YTHDF2: variants seen among roughly 807,000 people sequenced by gnomAD.
YTHDF2 encodes the protein YTH domain-containing family protein 2.
In YTHDF2, 2 loss-of-function variants were observed where a neutral mutation model predicts 50.4. That is an observed-to-expected ratio of 0.04 (90% CI 0.02 to 0.12). The LOEUF is 0.12. Among genes scored for constraint, YTHDF2 ranks in the 10% least tolerant of loss-of-function variants. YTHDF2 has a pLI of 1.00. For synonymous variants in YTHDF2, 217 were observed against 255.6 expected, an observed-to-expected ratio of 0.85 and a Z score of 1.44; for missense variants, 483 against 722.6, an observed-to-expected ratio of 0.67 and a Z score of 3.80.
intron 4 of YTHDF2, among the ~76,000 whole-genome samples, chr1:28,763,380 TCTC>T (rs1398229879): frequency 3.3e-5 from 5 of 152,124 alleles, no homozygotes; most frequent in African/African-American, 9.7e-5. Context: ...TTCAAACAAT[TCTC>T]CTGCCTCAGC....
intron 4 of YTHDF2, among the ~76,000 whole-genome samples, chr1:28,749,318 C>G (rs560784818): frequency 6.6e-6 from 1 of 151,532 alleles, no homozygotes. Flanking sequence ...CAGCCTCTCG[C>G]GTAGCTGGGA....
At chr1:28,738,220 A>G in intron 2 of YTHDF2, 39 bp from the exon 3 acceptor site, 1 of 1,503,244 alleles carries the variant, frequency 6.7e-7, no homozygotes, top group Non-Finnish European at 9.3e-7. Context: ...GGAAGATTGT[A>G]GGATTGGGAC....
intron 4 of YTHDF2, among the ~76,000 whole-genome samples, chr1:28,746,227 C>A (rs2087858319): frequency 6.6e-6 from 1 of 151,986 alleles, no homozygotes; most frequent in Admixed American, 6.6e-5. Context: ...CATCTAGGTG[C>A]TTGGTTTGTC....
chr1:28,764,256 TTTTATTTTTA>T (rs977787191), intron 4 of YTHDF2, among the ~76,000 whole-genome samples: 1 of 150,128 alleles, frequency 6.7e-6, no homozygotes, highest in African/African-American at 2.5e-5. Flanking sequence ...CGGCCCAATT[TTTTATTTTTA>T]TTTATTTTTA....
chr1:28,766,129 G>C (rs1279326371), intron 4 of YTHDF2, among the ~76,000 whole-genome samples: 3 of 152,148 alleles, frequency 2.0e-5, no homozygotes, highest in Non-Finnish European at 4.4e-5. Context: ...TTTTGAGATA[G>C]GGTCTCATTC....
At chr1:28,755,246 G>A (rs974863618) in intron 4 of YTHDF2, among the ~76,000 whole-genome samples, 3 of 152,186 alleles carry the variant, frequency 2.0e-5, no homozygotes, top group Admixed American at 6.5e-5. Context: ...ATAGTAGGCA[G>A]CTGGGAATCT....
At chr1:28,737,833 T>C in intron 2 of YTHDF2, 151 bp downstream of exon 2, 1 of 879,442 alleles carries the variant, frequency 1.1e-6, no homozygotes, top group East Asian at 2.7e-5. Context: ...CCTTTCGGTG[T>C]GTTCTTGCAG....
intron 4 of YTHDF2, among the ~76,000 whole-genome samples, chr1:28,749,384 GTT>G (rs1347400129): frequency 1.4e-4 from 22 of 151,886 alleles, no homozygotes; most frequent in Admixed American, 4.6e-4. Context: ...TTTTCACCGT[GTT>G]AGCCAGGATG....
intron 4 of YTHDF2, among the ~76,000 whole-genome samples, chr1:28,760,130 A>G (rs1364058079): frequency 6.6e-6 from 1 of 152,196 alleles, no homozygotes; most frequent in African/African-American, 2.4e-5. Flanking sequence ...ATCTCCTAAA[A>G]TAGTACCTTC....
At chr1:28,767,833 G>GGT (rs1258030684) in intron 4 of YTHDF2, among the ~76,000 whole-genome samples, 1 of 26,082 alleles carries the variant, frequency 3.8e-5, no homozygotes, top group Non-Finnish European at 6.4e-5. Flanking sequence ...GTAGAGACGG[G>GGT]GTTTCACCAT....
intron 4 of YTHDF2, 72 bp downstream of exon 4, chr1:28,744,058 T>C (rs1254912430): frequency 7.0e-7 from 1 of 1,421,176 alleles, no homozygotes; most frequent in African/African-American, 1.4e-5. Flanking sequence ...TATTATATAG[T>C]GAACCGTTAA....
Position 28,769,080 on chromosome 1 carries a change from T to G in YTHDF2, c.*128T>G. The G allele has an allele frequency of 1.5e-6, 1 of 661,504 alleles. No homozygotes were observed. The highest frequency in any genetic ancestry group is 2.3e-6 in the Non-Finnish European group (1 of 430,898). 41.0% of individuals were successfully genotyped at this position (661,504 alleles called of 1,614,324 possible). On this transcript the variant is annotated 3_prime_UTR_variant, in exon 5 of 5. Coordinates refer to ENST00000373812, the MANE Select transcript of YTHDF2 (RefSeq NM_016258.3). ...TTCAGAGACGATTGCAGACTTGCAG[T>G]TTAAGTATTGGAATTTCACAAAAGA...
intron 4 of YTHDF2, among the ~76,000 whole-genome samples, chr1:28,767,926 G>A (rs1287191351): frequency 6.6e-6 from 1 of 151,374 alleles, no homozygotes; most frequent in Non-Finnish European, 1.5e-5. Context: ...TCTGAGGCCG[G>A]GCGCGGTGGC....
chr1:28,739,649 C>CTT (rs2087747817), intron 3 of YTHDF2, among the ~76,000 whole-genome samples: 1 of 152,106 alleles, frequency 6.6e-6, no homozygotes, highest in Admixed American at 6.5e-5. Flanking sequence ...GTGGAGAATA[C>CTT]TTTATTTCTC....
At chr1:28,753,657 T>C (rs2087991581) in intron 4 of YTHDF2, among the ~76,000 whole-genome samples, 1 of 151,730 alleles carries the variant, frequency 6.6e-6, no homozygotes. Context: ...GTGATAACGC[T>C]GGAGAGATTG....
intron 4 of YTHDF2, among the ~76,000 whole-genome samples, chr1:28,759,380 G>T (rs941629361): frequency 2.0e-5 from 3 of 152,142 alleles, no homozygotes; most frequent in Admixed American, 6.6e-5. Flanking sequence ...ATACCTAATT[G>T]GGTTAATAGG....
chr1:28,767,808 AT>A (rs1381477486), intron 4 of YTHDF2, among the ~76,000 whole-genome samples: 2 of 142,482 alleles, frequency 1.4e-5, no homozygotes, highest in East Asian at 4.3e-4. Context: ...ACGCCAGCTA[AT>A]TTTTGTATTT....
At chr1:28,737,615 C>T (rs766977838) in intron 1 of YTHDF2, 43 bp from the exon 2 acceptor site, 9 of 1,613,760 alleles carry the variant, frequency 5.6e-6, no homozygotes, top group South Asian at 4.4e-5. Flanking sequence ...TCCATTTCTC[C>T]TTTGGACAAC....
chr1:28,756,590 G>A (rs61787572), intron 4 of YTHDF2, among the ~76,000 whole-genome samples: 15,758 of 152,078 alleles, frequency 0.1, 1,066 homozygotes, highest in Non-Finnish European at 0.14. Flanking sequence ...CACACTAGAT[G>A]ACAGTGAATT....
Sources: gnomAD v4.1 joint callset for allele counts (sites outside exome capture counted in the v4.1 genomes callset) on GRCh38, gnomAD v4.1.1 for gene constraint, MANE v1.5 for transcripts, NCBI Gene and HGNC (gene_info 2026-07-23, HGNC 2026-07-21) for gene names.